The following AGBL4 variants were observed in gnomAD, a reference collection of about 807,000 sequenced individuals.
AGBL4 encodes AGBL carboxypeptidase 4.
In AGBL4, 58 loss-of-function variants were observed where a neutral mutation model predicts 66.4. The ratio of observed to expected loss-of-function variants is 0.87; its 90% confidence interval spans 0.71 to 1.09. The LOEUF (loss-of-function observed/expected upper bound fraction) is 1.09, where lower values mean the gene tolerates loss of function less well. Among genes scored for constraint, AGBL4 ranks in the 50% least tolerant of loss-of-function variants. The pLI is 0.00. For missense variants in AGBL4, 579 were observed against 631.0 expected (o/e 0.92, Z 0.88); for synonymous variants, 234 against 222.9 (o/e 1.05, Z -0.44).
At chr1:48,531,777 TATG>T (rs1221510305), downstream of AGBL4, among the ~76,000 whole-genome samples, 217 of 152,062 alleles carry the variant, frequency 1.4e-3, no homozygotes, top group African/African-American at 2.0e-3. Context: ...TGTATGTATG[TATG>T]TATTTATTTA....
intron 5 of AGBL4, among the ~76,000 whole-genome samples, chr1:49,021,258 G>T (rs1262033713): frequency 6.6e-6 from 1 of 152,114 alleles, no homozygotes; most frequent in African/African-American, 2.4e-5. Flanking sequence ...ATGTTTCAGA[G>T]AATAATAATC....
intron 1 of AGBL4, among the ~76,000 whole-genome samples, chr1:49,917,856 C>T (rs958054542): frequency 2.6e-5 from 4 of 152,026 alleles, no homozygotes; most frequent in Non-Finnish European, 4.4e-5. Context: ...TCAGCAAATG[C>T]AAAACAACAG....
chr1:49,647,070 T>C (rs969605050), intron 3 of AGBL4, among the ~76,000 whole-genome samples: 1 of 151,920 alleles, frequency 6.6e-6, no homozygotes, highest in Non-Finnish European at 1.5e-5. Context: ...CCTGAAATTA[T>C]AAAGACTTTA....
chr1:49,611,108 G>A (rs912526622), intron 3 of AGBL4, among the ~76,000 whole-genome samples: 4 of 152,020 alleles, frequency 2.6e-5, no homozygotes, highest in African/African-American at 7.2e-5. Flanking sequence ...ACCAAAACCT[G>A]GAGAATGTAA....
chr1:49,195,533 A>G (rs1477092424), intron 4 of AGBL4, among the ~76,000 whole-genome samples: 1 of 152,058 alleles, frequency 6.6e-6, no homozygotes, highest in Non-Finnish European at 1.5e-5. Context: ...TCTTAGTGTA[A>G]TGGGGTTTCC....
chr1:49,260,397 T>A (rs949505996), intron 3 of AGBL4, among the ~76,000 whole-genome samples: 7 of 151,120 alleles, frequency 4.6e-5, no homozygotes, highest in African/African-American at 1.5e-4. Flanking sequence ...TCAACAAAAT[T>A]GATAGACCGC....
chr1:49,830,608 T>A (rs1557489748), intron 2 of AGBL4, among the ~76,000 whole-genome samples: 1 of 152,206 alleles, frequency 6.6e-6, no homozygotes, highest in Non-Finnish European at 1.5e-5. Flanking sequence ...GCTCTTTAGT[T>A]TAATTAGATC....
chr1:48,993,449 T>C (rs758614837), intron 5 of AGBL4, among the ~76,000 whole-genome samples: 10 of 152,096 alleles, frequency 6.6e-5, no homozygotes, highest in Non-Finnish European at 1.3e-4. Context: ...GGGGTCTGTG[T>C]TGGAGCTGAG....
chr1:49,912,584 T>C (rs1258166642), intron 1 of AGBL4, among the ~76,000 whole-genome samples: 2 of 152,186 alleles, frequency 1.3e-5, no homozygotes, highest in South Asian at 2.1e-4. Context: ...TGTTCTTGTC[T>C]CACAGGAACT....
intron 3 of AGBL4, among the ~76,000 whole-genome samples, chr1:49,347,943 G>A (rs185530468): frequency 1.9e-4 from 29 of 152,156 alleles, no homozygotes; most frequent in African/African-American, 7.0e-4. Flanking sequence ...CACATGATCC[G>A]GGAACCCTCT....
intron 11 of AGBL4, among the ~76,000 whole-genome samples, chr1:48,554,385 G>A (rs1644291917): frequency 6.6e-6 from 1 of 152,120 alleles, no homozygotes; most frequent in African/African-American, 2.4e-5. Context: ...ACAATAAAGA[G>A]GAATTGGCTT....
chr1:49,787,039 A>T (rs1432251406), intron 2 of AGBL4, among the ~76,000 whole-genome samples: 1 of 152,154 alleles, frequency 6.6e-6, no homozygotes, highest in African/African-American at 2.4e-5. Context: ...ACTGTACAAG[A>T]TTCCACTGAC....
intron 6 of AGBL4, among the ~76,000 whole-genome samples, chr1:48,849,237 C>G (rs1570822022): frequency 1.3e-5 from 2 of 152,214 alleles, no homozygotes; most frequent in African/African-American, 4.8e-5. Context: ...ATGTGCCAGG[C>G]CTTGTGGTAA....
At chr1:49,503,917 G>A (rs1221503869) in intron 3 of AGBL4, among the ~76,000 whole-genome samples, 2 of 152,108 alleles carry the variant, frequency 1.3e-5, no homozygotes, top group Non-Finnish European at 2.9e-5. Context: ...GAAGACTTTG[G>A]TAGACTGTTG....
At chr1:49,352,528 C>G (rs1643931984) in intron 3 of AGBL4, among the ~76,000 whole-genome samples, 2 of 152,094 alleles carry the variant, frequency 1.3e-5, no homozygotes, top group South Asian at 4.2e-4. Context: ...TTAAAGGCCC[C>G]CCCTCCTTCT....
chr1:49,036,733 T>A (rs1183754812), intron 5 of AGBL4, among the ~76,000 whole-genome samples: 1 of 151,704 alleles, frequency 6.6e-6, no homozygotes, highest in African/African-American at 2.4e-5. Context: ...AATTTTTTTT[T>A]TTTTTTTTTG....
chr1:48,723,464 C>T (rs763571881), intron 6 of AGBL4, among the ~76,000 whole-genome samples: 4 of 152,142 alleles, frequency 2.6e-5, no homozygotes, highest in African/African-American at 4.8e-5. Flanking sequence ...TATGAAGCTG[C>T]CTGGCAGAAA....
chr1:48,665,362 C>T (rs1227277956), intron 6 of AGBL4, among the ~76,000 whole-genome samples: 1 of 152,192 alleles, frequency 6.6e-6, no homozygotes, highest in Non-Finnish European at 1.5e-5. Context: ...TAATGTCTTT[C>T]CCAGGACCCC....
chr1:50,021,412 T>C (rs1400786718), intron 1 of AGBL4, among the ~76,000 whole-genome samples: 1 of 152,206 alleles, frequency 6.6e-6, no homozygotes, highest in African/African-American at 2.4e-5. Flanking sequence ...ATCTCTCTGC[T>C]TATCTGGATG....
Sources: allele counts gnomAD v4.1 joint callset (sites outside exome capture counted in the v4.1 genomes callset), GRCh38; gene constraint gnomAD v4.1.1; transcripts MANE v1.5; gene names NCBI Gene and HGNC (gene_info 2026-07-23, HGNC 2026-07-21).